Variants in FANCA observed in about 807,000 individuals in gnomAD.
FANCA encodes FA complementation group A, also known as Fanconi anemia group A protein.
FANCA carries 236 observed loss-of-function variants against 194.3 expected under a neutral mutation model. That is an observed-to-expected ratio of 1.21 (90% CI 1.09 to 1.35). The LOEUF is 1.35. Ranked by LOEUF, FANCA falls within the 40% of genes most tolerant of loss-of-function variation. The pLI is 0.00. For missense variants in FANCA, 2,628 were observed against 1,813.9 expected, an observed-to-expected ratio of 1.45 and a Z score of -8.15; for synonymous variants, 1,014 against 715.8, an observed-to-expected ratio of 1.42 and a Z score of -6.65.
At chr16:89,807,586 C>G (rs1002238834) in intron 6 of FANCA, among the ~76,000 whole-genome samples, 13 of 151,952 alleles carry the variant, frequency 8.6e-5, no homozygotes, top group African/African-American at 3.1e-4. Flanking sequence ...CACATCTCTA[C>G]TAAAAATAAC....
At chr16:89,786,314 G>C (rs974908411) in intron 14 of FANCA, among the ~76,000 whole-genome samples, 43 of 152,186 alleles carry the variant, frequency 2.8e-4, no homozygotes. Context: ...CTCCTGAGTA[G>C]CTGGGATTAC....
chr16:89,770,794 C>G (rs35611796), intron 23 of FANCA, among the ~76,000 whole-genome samples, 160 bp from the exon 24 acceptor site: 1 of 152,276 alleles, frequency 6.6e-6, no homozygotes, highest in East Asian at 1.9e-4. Context: ...AACTGGTGCC[C>G]AGGGCCCCCA....
chr16:89,769,744 T>A, intron 26 of FANCA, 93 bp downstream of exon 26: 1 of 1,419,334 alleles, frequency 7.0e-7, no homozygotes, highest in Non-Finnish European at 9.7e-7. Flanking sequence ...GGGTGGTATG[T>A]CTGCATGTCT....
At chr16:89,774,574 C>T (rs2039430969) in intron 21 of FANCA, among the ~76,000 whole-genome samples, 1 of 151,194 alleles carries the variant, frequency 6.6e-6, no homozygotes, top group African/African-American at 2.4e-5. Flanking sequence ...ACTAAAAACA[C>T]AAAAAATTAG....
intron 28 of FANCA, among the ~76,000 whole-genome samples, chr16:89,763,409 C>G (rs2039018226): frequency 6.6e-6 from 1 of 151,954 alleles, no homozygotes; most frequent in African/African-American, 2.4e-5. Context: ...CCAGGATGGT[C>G]TCAATCTCCT....
intron 30 of FANCA, among the ~76,000 whole-genome samples, chr16:89,753,802 C>T (rs1319282312): frequency 2.6e-5 from 4 of 152,190 alleles, no homozygotes; most frequent in Admixed American, 2.0e-4. Flanking sequence ...CGCCTGTAAT[C>T]CCAGCACTTT....
intron 10 of FANCA, among the ~76,000 whole-genome samples, chr16:89,796,340 G>C (rs17232456): frequency 7.2e-5 from 11 of 152,160 alleles, no homozygotes; most frequent in Non-Finnish European, 1.6e-4. Context: ...CGCCGCACCC[G>C]GGAGTGGAGC....
intron 14 of FANCA, among the ~76,000 whole-genome samples, chr16:89,788,970 C>A (rs956078450): frequency 1.3e-5 from 2 of 152,030 alleles, no homozygotes; most frequent in Non-Finnish European, 2.9e-5. Context: ...TATTCCTCTC[C>A]CAACTGTCGC....
intron 20 of FANCA, among the ~76,000 whole-genome samples, chr16:89,776,025 A>T (rs542727839): frequency 6.6e-6 from 1 of 151,794 alleles, no homozygotes; most frequent in Non-Finnish European, 1.5e-5. Context: ...TATTAATCAT[A>T]TATTAATATC....
chr16:89,753,786 G>C (rs973174270), intron 30 of FANCA, among the ~76,000 whole-genome samples: 3 of 152,206 alleles, frequency 2.0e-5, no homozygotes, highest in Non-Finnish European at 4.4e-5. Flanking sequence ...CAGACACGGT[G>C]GCTCACGCCT....
At chr16:89,751,018 A>C (rs1454361489) in intron 31 of FANCA, among the ~76,000 whole-genome samples, 2 of 152,204 alleles carry the variant, frequency 1.3e-5, no homozygotes, top group African/African-American at 4.8e-5. Context: ...CAGCTTCCTG[A>C]GTAGCTGGGA....
intron 31 of FANCA, among the ~76,000 whole-genome samples, chr16:89,750,438 G>A (rs1317264831): frequency 1.4e-5 from 2 of 147,028 alleles, no homozygotes; most frequent in Admixed American, 6.8e-5. Context: ...AGCCCAGATC[G>A]CACCACTGCA....
Position 89,792,655 on chromosome 16 carries a change from G to A in FANCA, c.1007-108C>T, listed in dbSNP as rs939054671. 1.7e-5 allele frequency: 14 copies of A among 847,204 alleles called. 1 individual carries two copies. The highest frequency in any genetic ancestry group is 8.0e-5 in the East Asian group (3 of 37,478). The allele number at this position is 847,204 out of a possible 1,614,324, so 52.5% of individuals were successfully genotyped here. A position where few individuals can be genotyped will look rare whatever the true frequency, so the allele number is the denominator to read the frequency against. The stretch of plus-strand genomic sequence containing the variant: ...CGGTGGGTCTCTCCCCGTGTGCGGC[G>A]ACGAGAGAGTGTAGAAAGAAAGATA... On this transcript the variant is annotated intron_variant, in intron 11 of 42. Transcript: ENST00000389301.
intron 6 of FANCA, among the ~76,000 whole-genome samples, chr16:89,807,637 C>T (rs1216484543): frequency 4.6e-5 from 7 of 152,228 alleles, no homozygotes; most frequent in South Asian, 2.1e-4. Context: ...GTAATCCCAG[C>T]GCTTTGGGAG....
intron 30 of FANCA, among the ~76,000 whole-genome samples, chr16:89,753,473 G>C (rs7203511): frequency 0.42 from 63,983 of 151,958 alleles, 14,794 homozygotes; most frequent in East Asian, 0.76. Flanking sequence ...GATAGCTTAA[G>C]ATCCCCAAAC....
intron 1 of FANCA, chr16:89,816,212 C>T: frequency 9.3e-6 from 5 of 537,602 alleles, no homozygotes; most frequent in Non-Finnish European, 1.4e-5. Flanking sequence ...AGCCCGGGGA[C>T]GGCTGGCGAG....
chr16:89,781,154 G>A (rs1163268818), intron 17 of FANCA, among the ~76,000 whole-genome samples: 1 of 151,962 alleles, frequency 6.6e-6, no homozygotes, highest in African/African-American at 2.4e-5. Flanking sequence ...CACGAGGTCA[G>A]GAGACCGAGA....
rs1041738790 is a variant in FANCA at position 89,758,714 on chromosome 16, G to T, written c.2853-9C>A. 4 of 1,612,814 alleles carry T rather than the reference G, an allele frequency of 2.5e-6. No homozygotes were observed. In the African/African-American group the frequency reaches 4.0e-5, roughly 16 times the overall value. On this transcript the variant is annotated splice_polypyrimidine_tract_variant and intron_variant, in intron 29 of 42. Transcript: ENST00000389301. ...ACTGGTGGAAGTCCTGCCTAGAACA[G>T]CAAACACTGCTATCAATTCTGAGAA...
chr16:89,740,894 T>G lies in FANCA; in HGVS notation c.3766-28A>C, dbSNP rs760793512. ...GTAAATAAAAACGTGCACTTATTATTACATTAAAATTACCTGTGCTGTCAT... is the reference window on the plus strand; with the variant it reads ...GTAAATAAAAACGTGCACTTATTATGACATTAAAATTACCTGTGCTGTCAT... On this transcript the variant is annotated intron_variant, in intron 37 of 42. Coordinates refer to ENST00000389301, the MANE Select transcript of FANCA (RefSeq NM_000135.4). The G allele has an allele frequency of 1.1e-5, 17 of 1,578,954 alleles. 1 individual carries two copies. The South Asian group carries it at 1.9e-4, about 18-fold the overall frequency.
Sources: allele counts gnomAD v4.1 joint callset (sites outside exome capture counted in the v4.1 genomes callset), GRCh38; gene constraint gnomAD v4.1.1; transcripts MANE v1.5; gene names NCBI Gene and HGNC (gene_info 2026-07-23, HGNC 2026-07-21).